The following KCNN1 variants were observed in gnomAD, a reference collection of about 807,000 sequenced individuals.
KCNN1 encodes small conductance calcium-activated potassium channel protein 1.
KCNN1 carries 20 observed loss-of-function variants against 44.7 expected under a neutral mutation model. The observed-to-expected ratio is 0.45, with a 90% CI of 0.32 to 0.65. The LOEUF is 0.65. Among genes scored for constraint, KCNN1 ranks in the 30% least tolerant of loss-of-function variants. The pLI, the probability that KCNN1 is intolerant of heterozygous loss-of-function variation, is 0.05. For synonymous variants in KCNN1, 324 were observed against 341.7 expected (o/e 0.95, Z 0.57); for missense variants, 632 against 785.3 (o/e 0.80, Z 2.33).
rs974401521 is a variant in KCNN1, at chr19:17,983,133, C to T, written c.917+1006C>T. Among the ~76,000 whole-genome samples, 4 of 152,142 alleles carry T rather than the reference C, an allele frequency of 2.6e-5. No homozygotes were observed. The highest frequency in any genetic ancestry group is 6.6e-5 in the Admixed American group (1 of 15,266). ...CCTAGGAGGTGGTGGACCATCAACC[C>T]GATTTACAGAGAGGGAAACTGAGGC... On this transcript the variant is annotated intron_variant, in intron 4 of 9. Transcript: ENST00000684775. This position sits in a 1 kb window ranked among gnomAD's most constrained non-coding sequence, Gnocchi z 4.5.
At chr19:17,965,669 A>T (rs920928958), upstream of KCNN1, among the ~76,000 whole-genome samples, 1 of 151,634 alleles carries the variant, frequency 6.6e-6, no homozygotes, top group Non-Finnish European at 1.5e-5. Context: ...AGTCCCCACA[A>T]CCCCTTTCTT....
upstream of KCNN1, chr19:17,967,096 C>A: frequency 2.0e-6 from 2 of 980,708 alleles, no homozygotes; most frequent in Admixed American, 6.2e-5. Flanking sequence ...CCCTTCTCTC[C>A]CGGCCCGGGC....
upstream of KCNN1, among the ~76,000 whole-genome samples, chr19:17,963,164 C>T (rs1026374952): frequency 2.0e-5 from 3 of 151,630 alleles, no homozygotes; most frequent in Admixed American, 6.6e-5. Context: ...CCCGCCACCA[C>T]GCCACACCCG....
intron 6 of KCNN1, 43 bp downstream of exon 6, chr19:17,988,568 C>A: frequency 1.4e-6 from 2 of 1,439,712 alleles, no homozygotes; most frequent in Non-Finnish European, 1.9e-6. Flanking sequence ...CTGGCCTTGT[C>A]AGCGAGCGTA....
At chr19:17,975,661 T>C (rs150682437) in intron 3 of KCNN1, among the ~76,000 whole-genome samples, 7,035 of 152,082 alleles carry the variant, frequency 0.046, 240 homozygotes, top group Middle Eastern at 0.092. Flanking sequence ...CCTCCAGTGA[T>C]CCACCCGTCT....
At chr19:17,989,692 G>A (rs374544138) in intron 6 of KCNN1, 24 bp from the exon 7 acceptor site, 594 of 1,613,534 alleles carry the variant, frequency 3.7e-4, no homozygotes, top group Non-Finnish European at 4.8e-4. Context: ...CAACCCTGAG[G>A]AATTGTTCTT....
chr19:17,988,649 G>A, intron 6 of KCNN1, 124 bp downstream of exon 6: 1 of 751,122 alleles, frequency 1.3e-6, no homozygotes, highest in South Asian at 1.6e-5. Flanking sequence ...GCAGCCCCGT[G>A]TCAAGACTGT....
Position 17,993,461 on chromosome 19 carries a change from C to T in KCNN1, c.1308-29C>T, listed in dbSNP as rs1321881637. Reference sequence around the variant, plus strand: ...GCAGCCTCCACGGGAACCTGCCTAACCCCCTCCCCCAACCCCGTGTCCCCA... The same window carrying T: ...GCAGCCTCCACGGGAACCTGCCTAATCCCCTCCCCCAACCCCGTGTCCCCA... On this transcript the variant is annotated intron_variant, in intron 8 of 9. Coordinates refer to ENST00000684775, the MANE Select transcript of KCNN1 (RefSeq NM_001386974.1). The surrounding 1 kb of genome is among the most constrained non-coding windows in gnomAD (Gnocchi z 4.5). 1.3e-6 allele frequency: 2 copies of T among 1,577,582 alleles called. No individual in the cohort carries two copies. Among genetic ancestry groups the T allele is most frequent in the African/African-American group, 1.3e-5 (1 of 74,262 alleles).
intron 9 of KCNN1, among the ~76,000 whole-genome samples, chr19:17,994,183 G>C (rs1454109008): frequency 6.6e-6 from 1 of 151,964 alleles, no homozygotes. Flanking sequence ...AATGGGTCAT[G>C]CCTATAATCC....
At chr19:17,981,251 A>G (rs1441762189) in intron 3 of KCNN1, among the ~76,000 whole-genome samples, 5 of 151,556 alleles carry the variant, frequency 3.3e-5, no homozygotes, top group African/African-American at 1.2e-4. Context: ...TCTCAAGAAA[A>G]AGAAAAAGAA....
chr19:17,972,138 G>T (rs2032045830), intron 1 of KCNN1: 1 of 152,542 alleles, frequency 6.6e-6, no homozygotes, highest in Non-Finnish European at 1.5e-5. Context: ...GGAGGCTGAG[G>T]TGGGAGGATC....
intron 1 of KCNN1, chr19:17,952,352 G>A (rs2145893216): frequency 6.6e-6 from 1 of 152,632 alleles, no homozygotes; most frequent in Admixed American, 6.5e-5. Context: ...AGTGGCAGTG[G>A]GGGGCACGGC....
Position 17,993,551 on chromosome 19 carries a change from C to G in KCNN1, c.1369C>G (p.Leu457Val). The part of the protein sequence containing the change: ...LNDQANTLTD[L>V]AKTQTVMYDL... Reference sequence around the variant, plus strand: ...CGACCAGGCTAACACGCTTACCGACCTAGCCAAGGTGAGTGGGTTGGGGCA... The same window carrying G: ...CGACCAGGCTAACACGCTTACCGACGTAGCCAAGGTGAGTGGGTTGGGGCA... The change falls in exon 9 of 10, where the codon CTA becomes GTA. Residue 457 changes from leucine to valine, a missense_variant. This residue lies in a region of KCNN1 where 237 missense variants were observed against 253.0 expected (regional missense o/e 0.94). Transcript: ENST00000684775. The surrounding 1 kb of genome is among the most constrained non-coding windows in gnomAD (Gnocchi z 4.5). 2 of 1,613,550 alleles carry G rather than the reference C, an allele frequency of 1.2e-6. No individual in the cohort carries two copies. Among genetic ancestry groups the G allele is most frequent in the Non-Finnish European group, 1.7e-6 (2 of 1,179,552 alleles).
chr19:17,979,432 CA>C (rs35265456), intron 3 of KCNN1, among the ~76,000 whole-genome samples: 1,056 of 48,764 alleles, frequency 0.022, 20 homozygotes, highest in Admixed American at 0.11. Flanking sequence ...GACTCCGTCT[CA>C]AAAAAAAAAA....
intron 6 of KCNN1, among the ~76,000 whole-genome samples, chr19:17,988,808 G>A (rs2145963318): frequency 6.6e-6 from 1 of 152,084 alleles, no homozygotes; most frequent in South Asian, 2.1e-4. Context: ...CCACTTGGGA[G>A]TCTGAGGCAG....
At chr19:17,988,154 CAAAA>C (rs59928660) in intron 5 of KCNN1, among the ~76,000 whole-genome samples, 1 of 53,524 alleles carries the variant, frequency 1.9e-5, no homozygotes. Context: ...GACTCCATCT[CAAAA>C]AAAAAAAAAA....
At chr19:17,960,813 C>G (rs2031659314) in intron 2 of KCNN1, among the ~76,000 whole-genome samples, 1 of 151,964 alleles carries the variant, frequency 6.6e-6, no homozygotes, top group Admixed American at 6.6e-5. Context: ...TGTGTCACCC[C>G]CACCTCTGTC....
In KCNN1 at chr19:17,998,148, G is replaced by T; in HGVS notation, c.1378-4G>T. The T allele has an allele frequency of 6.3e-7, 1 of 1,582,786 alleles. No individual in the cohort carries two copies. Reference sequence around the variant, plus strand: ...TCTCTCCTGCCCCTCTCTGTCTCCCGCAGACCCAGACCGTCATGTACGACC... The same window carrying T: ...TCTCTCCTGCCCCTCTCTGTCTCCCTCAGACCCAGACCGTCATGTACGACC... On this transcript the variant is annotated splice_region_variant and splice_polypyrimidine_tract_variant and intron_variant, in intron 9 of 9. Transcript: ENST00000684775. This position sits in a 1 kb window ranked among gnomAD's most constrained non-coding sequence, Gnocchi z 5.4.
chr19:17,969,596 C>T (rs908125489), intron 1 of KCNN1, among the ~76,000 whole-genome samples: 2 of 152,254 alleles, frequency 1.3e-5, no homozygotes, highest in East Asian at 1.9e-4. Flanking sequence ...GGCTGCCAGG[C>T]GAGGAGGAAC....
Sources: allele counts gnomAD v4.1 joint callset (sites outside exome capture counted in the v4.1 genomes callset), GRCh38; gene constraint gnomAD v4.1.1; regional missense constraint gnomAD v4.1.1; non-coding constraint Gnocchi (gnomAD v3.1); transcripts MANE v1.5; gene names NCBI Gene and HGNC (gene_info 2026-07-23, HGNC 2026-07-21).